Variants in GATAD2B observed in about 807,000 individuals in gnomAD.
GATAD2B encodes the protein GATA zinc finger domain containing 2B.
A neutral mutation model predicts 64.3 loss-of-function variants in GATAD2B; 8 were observed. The observed-to-expected ratio is 0.12, with a 90% CI of 0.07 to 0.22. GATAD2B has a LOEUF of 0.22. GATAD2B is among the 10% of genes least tolerant of loss of function. The probability of loss-of-function intolerance (pLI) is 1.00; values close to 1 mark genes in which losing one functional copy is unlikely to be tolerated. For missense variants in GATAD2B, 453 were observed against 752.0 expected, an observed-to-expected ratio of 0.60 and a Z score of 4.65; for synonymous variants, 281 against 271.3, an observed-to-expected ratio of 1.04 and a Z score of -0.35.
chr1:153,829,609 C>A (rs957954471), intron 1 of GATAD2B, among the ~76,000 whole-genome samples: 1 of 151,838 alleles, frequency 6.6e-6, no homozygotes, highest in African/African-American at 2.4e-5. Flanking sequence ...TGGTGGCGGG[C>A]GCCTGTAATC....
intron 2 of GATAD2B, among the ~76,000 whole-genome samples, chr1:153,821,735 T>C (rs1570932464): frequency 6.6e-6 from 1 of 152,060 alleles, no homozygotes; most frequent in East Asian, 2.0e-4. Context: ...GGCTAATTTT[T>C]TTTTGTATTT....
rs962233986 is a variant in GATAD2B, at chr1:153,805,995, A to C, written c.*4182T>G. On this transcript the variant is annotated 3_prime_UTR_variant, in exon 11 of 11. Transcript: ENST00000368655. ...AGGATGACTTATTAAAATCCTTTCT[A>C]TCATCCCCTGACAATCCACCCTCAA... 6.6e-6 allele frequency: 1 copy of C among 152,066 alleles called. No individual in the cohort carries two copies. The highest frequency in any genetic ancestry group is 2.4e-5 in the African/African-American group (1 of 41,386). The allele number at this position is 152,066 out of a possible 1,614,324, so 9.4% of individuals were successfully genotyped here.
chr1:153,852,216 G>C, intron 1 of GATAD2B: 1 of 1,105,588 alleles, frequency 9.0e-7, no homozygotes, highest in Non-Finnish European at 1.4e-6. Flanking sequence ...CTACCAGCCA[G>C]TTGAGGGGCA....
chr1:153,915,286 G>A (rs545940500), intron 1 of GATAD2B, among the ~76,000 whole-genome samples: 5 of 152,066 alleles, frequency 3.3e-5, no homozygotes, highest in South Asian at 2.1e-4. Context: ...TTAGCTGGGC[G>A]CGGTGGCATG....
At chr1:153,889,293 T>A (rs910868561) in intron 1 of GATAD2B, among the ~76,000 whole-genome samples, 3 of 151,036 alleles carry the variant, frequency 2.0e-5, no homozygotes, top group African/African-American at 4.9e-5. Context: ...ATCCCTGTAA[T>A]CCCAGCTACT....
chr1:153,892,342 A>G (rs908846976), intron 1 of GATAD2B, among the ~76,000 whole-genome samples: 3 of 152,280 alleles, frequency 2.0e-5, no homozygotes, highest in South Asian at 2.1e-4. Flanking sequence ...TAAAGATCAG[A>G]TATCTAGGAA....
rs970768836 is a variant in GATAD2B, at chr1:153,885,835, C to T, written c.-2+36898G>A. ...CCAAGACGGCGCCACTGCTCTCCAG[C>T]CTGGGCGACAGAGCAAGACTCCGTC... On this transcript the variant is annotated intron_variant, in intron 1 of 10. Transcript: ENST00000368655. Among the ~76,000 whole-genome samples, 57 of 148,462 alleles carry T rather than the reference C, an allele frequency of 3.8e-4. 1 individual carries two copies. Among genetic ancestry groups the T allele is most frequent in the Admixed American group, 3.7e-3 (55 of 14,810 alleles).
At position 153,884,337 on chromosome 1, in the gene GATAD2B, G is replaced by A. The variant is rs533019770; in HGVS notation, c.-2+38396C>T. ...GGGTGCCTGTAGTCCCAGCTACTCC[G>A]GAGGCTGAGGCGGGAGAATGGCCTG... On this transcript the variant is annotated intron_variant, in intron 1 of 10. Coordinates refer to ENST00000368655, the MANE Select transcript of GATAD2B (RefSeq NM_020699.4). 1.1e-4 allele frequency among the ~76,000 whole-genome samples: 17 copies of A among 152,310 alleles called. No individual in the cohort carries two copies. In the East Asian group the frequency reaches 3.3e-3, roughly 29 times the overall value.
intron 1 of GATAD2B, among the ~76,000 whole-genome samples, chr1:153,866,196 A>G (rs1676469227): frequency 1.1e-5 from 1 of 92,390 alleles, no homozygotes; most frequent in South Asian, 5.3e-4. Flanking sequence ...GAGTGACACT[A>G]GGTCTCAAAA....
At position 153,867,582 on chromosome 1, in the gene GATAD2B, G is replaced by A. The variant is rs190744847; in HGVS notation, c.-1-39234C>T. ...AAAAGAGTCACATAAGAGGCCAGGC[G>A]CGGTGGCTCACGTGAGCCTGTAATC... On this transcript the variant is annotated intron_variant, in intron 1 of 10. Transcript: ENST00000368655. Among the ~76,000 whole-genome samples, 18 of 152,008 alleles carry A rather than the reference G, an allele frequency of 1.2e-4. No individual in the cohort carries two copies. The East Asian group carries it at 2.7e-3, about 23-fold the overall frequency.
rs2101881304 is a variant in GATAD2B at position 153,818,033 on chromosome 1, C to G, written c.729+7G>C. 1 of 1,595,446 alleles carries G rather than the reference C, an allele frequency of 6.3e-7. No individual in the cohort carries two copies. The highest frequency in any genetic ancestry group is 8.5e-7 in the Non-Finnish European group (1 of 1,172,534). ...CCAACACTAAGATCCCACTATGGGT[C>G]ACATACCTGTAATGTTCTCAAATTT... On this transcript the variant is annotated splice_region_variant and intron_variant, in intron 5 of 10. Transcript: ENST00000368655.
chr1:153,868,126 G>C (rs764759441), intron 1 of GATAD2B, among the ~76,000 whole-genome samples: 1 of 152,016 alleles, frequency 6.6e-6, no homozygotes, highest in African/African-American at 2.4e-5. Context: ...GCTCGAACCC[G>C]GGAGGGAGGA....
chr1:153,818,220 A>T, intron 4 of GATAD2B, 49 bp from the exon 5 acceptor site: 1 of 1,524,584 alleles, frequency 6.6e-7, no homozygotes, highest in Non-Finnish European at 8.9e-7. Flanking sequence ...TCACAGGTGG[A>T]AATTTGGTAC....
At chr1:153,914,696 G>A (rs1678211916) in intron 1 of GATAD2B, 1 of 152,328 alleles carries the variant, frequency 6.6e-6, no homozygotes, top group Non-Finnish European at 1.5e-5. Context: ...CACCTTAGGA[G>A]GCCAAGGCAG....
At chr1:153,920,725 C>T (rs564358064) in intron 1 of GATAD2B, among the ~76,000 whole-genome samples, 14 of 152,322 alleles carry the variant, frequency 9.2e-5, no homozygotes, top group African/African-American at 3.1e-4. Flanking sequence ...GGACAAAAGT[C>T]TGTAAGCCTC....
At chr1:153,885,583 G>A in intron 1 of GATAD2B, among the ~76,000 whole-genome samples, 1 of 151,828 alleles carries the variant, frequency 6.6e-6, no homozygotes, top group Admixed American at 6.6e-5. Context: ...CTAGCTGAGT[G>A]TGGGCTGGGC....
chr1:153,822,353 C>T (rs1467529949), intron 2 of GATAD2B, among the ~76,000 whole-genome samples: 1 of 152,138 alleles, frequency 6.6e-6, no homozygotes, highest in Non-Finnish European at 1.5e-5. Context: ...TGCTTAGGAA[C>T]TGCCCAGTAC....
chr1:153,884,931 A>G (rs1025970084), intron 1 of GATAD2B, among the ~76,000 whole-genome samples: 1 of 151,708 alleles, frequency 6.6e-6, no homozygotes, highest in Non-Finnish European at 1.5e-5. Context: ...TAATTTTTGT[A>G]TTTTTAGTAG....
chr1:153,852,071 G>A (rs1033580739), intron 1 of GATAD2B: 18 of 531,202 alleles, frequency 3.4e-5, no homozygotes, highest in African/African-American at 1.7e-4. Flanking sequence ...CTGGCTGGCC[G>A]CATCATTCAC....
Sources: gnomAD v4.1 joint callset for allele counts (sites outside exome capture counted in the v4.1 genomes callset) on GRCh38, gnomAD v4.1.1 for gene constraint, MANE v1.5 for transcripts, NCBI Gene and HGNC (gene_info 2026-07-23, HGNC 2026-07-21) for gene names.